The following SGCZ variants were observed in gnomAD, a reference collection of about 807,000 sequenced individuals.
SGCZ encodes sarcoglycan zeta.
Under a neutral mutation model 41.3 loss-of-function variants are expected in SGCZ, and 40 were observed. The observed-to-expected ratio is 0.97, with a 90% CI of 0.75 to 1.26. The LOEUF (loss-of-function observed/expected upper bound fraction) is 1.26. Ranked by LOEUF, SGCZ falls within the 50% of genes most tolerant of loss-of-function variation. The pLI, the probability that SGCZ is intolerant of heterozygous loss-of-function variation, is 0.00. For synonymous variants in SGCZ, 206 were observed against 137.5 expected (o/e 1.50, Z -3.49); for missense variants, 552 against 369.8 (o/e 1.49, Z -4.04).
chr8:14,477,474 G>A (rs1196241576), intron 2 of SGCZ, among the ~76,000 whole-genome samples: 1 of 152,080 alleles, frequency 6.6e-6, no homozygotes, highest in Non-Finnish European at 1.5e-5. Context: ...TATTCTAAAT[G>A]GAGTGTGGGT....
chr8:14,199,794 T>C (rs1451534686), intron 4 of SGCZ, among the ~76,000 whole-genome samples: 2 of 152,118 alleles, frequency 1.3e-5, no homozygotes, highest in Non-Finnish European at 2.9e-5. Flanking sequence ...CGCATTTCCT[T>C]TTTAAAGAAA....
chr8:14,535,762 A>T (rs1327692628), intron 2 of SGCZ, among the ~76,000 whole-genome samples: 4 of 151,870 alleles, frequency 2.6e-5, no homozygotes, highest in African/African-American at 9.7e-5. Flanking sequence ...TGTTTCTGGA[A>T]CCATTTTGGA....
chr8:14,876,406 C>T (rs1224995260), intron 1 of SGCZ, among the ~76,000 whole-genome samples: 1 of 152,056 alleles, frequency 6.6e-6, no homozygotes, highest in Non-Finnish European at 1.5e-5. Flanking sequence ...GACAAAACAC[C>T]TCAAGTCAAT....
intron 1 of SGCZ, among the ~76,000 whole-genome samples, chr8:14,709,602 A>T (rs1809448352): frequency 6.6e-6 from 1 of 152,180 alleles, no homozygotes. Flanking sequence ...TATTAAAATA[A>T]ATTTTCACAG....
intron 2 of SGCZ, among the ~76,000 whole-genome samples, chr8:14,386,308 A>G (rs1217252994): frequency 6.6e-6 from 1 of 152,092 alleles, no homozygotes; most frequent in Non-Finnish European, 1.5e-5. Context: ...ATGGTAAAAA[A>G]AAAAAAAACA....
intron 1 of SGCZ, among the ~76,000 whole-genome samples, chr8:14,661,821 G>A (rs1405430492): frequency 1.4e-5 from 2 of 141,114 alleles, no homozygotes; most frequent in Non-Finnish European, 3.0e-5. Flanking sequence ...TTAAGTCTAT[G>A]AAATGTGATC....
chr8:14,725,975 A>G (rs573191667), intron 1 of SGCZ, among the ~76,000 whole-genome samples: 37 of 152,174 alleles, frequency 2.4e-4, no homozygotes, highest in African/African-American at 8.4e-4. Flanking sequence ...ATTATTAGGT[A>G]AAATTTTATG....
At chr8:14,541,117 T>C (rs549562813) in intron 2 of SGCZ, among the ~76,000 whole-genome samples, 1 of 151,878 alleles carries the variant, frequency 6.6e-6, no homozygotes, top group South Asian at 2.1e-4. Flanking sequence ...ATATATCAGA[T>C]ATAAATAAAC....
At chr8:14,276,853 G>C (rs760777679) in intron 3 of SGCZ, among the ~76,000 whole-genome samples, 1 of 152,094 alleles carries the variant, frequency 6.6e-6, no homozygotes, top group African/African-American at 2.4e-5. Context: ...GGTGGACACC[G>C]AGTAAATAAC....
chr8:14,740,638 G>A (rs1799174715), intron 1 of SGCZ, among the ~76,000 whole-genome samples: 1 of 152,034 alleles, frequency 6.6e-6, no homozygotes, highest in African/African-American at 2.4e-5. Flanking sequence ...GTGCCACACA[G>A]TTCATATTAG....
chr8:14,650,281 T>C (rs1160114447), intron 1 of SGCZ, among the ~76,000 whole-genome samples: 2 of 152,092 alleles, frequency 1.3e-5, no homozygotes, highest in East Asian at 3.9e-4. Context: ...TCTTCATCTT[T>C]ACAGGCTTCT....
chr8:14,199,353 G>A (rs896276800), intron 4 of SGCZ, among the ~76,000 whole-genome samples: 1 of 152,150 alleles, frequency 6.6e-6, no homozygotes, highest in Non-Finnish European at 1.5e-5. Context: ...CTGGTTGTCT[G>A]CTCTCAAATT....
chr8:14,772,996 T>C (rs956961499), intron 1 of SGCZ, among the ~76,000 whole-genome samples: 2 of 152,112 alleles, frequency 1.3e-5, no homozygotes, highest in Non-Finnish European at 2.9e-5. Flanking sequence ...CCCTGAGAAA[T>C]TGCCACACTG....
At chr8:15,098,289 T>G (rs1289068190) in intron 1 of SGCZ, among the ~76,000 whole-genome samples, 2 of 152,154 alleles carry the variant, frequency 1.3e-5, no homozygotes, top group Non-Finnish European at 2.9e-5. Context: ...ATGTGCATAT[T>G]CTTCCTTACA....
rs951928901 is a variant in SGCZ, at chr8:15,066,257, G to A, written c.39+171328C>T. Among the ~76,000 whole-genome samples, 79 of 149,622 alleles carry A rather than the reference G, an allele frequency of 5.3e-4. 1 individual carries two copies. The highest frequency in any genetic ancestry group is 1.6e-4 in the Non-Finnish European group (11 of 67,700). On this transcript the variant is annotated intron_variant, in intron 1 of 7. Transcript: ENST00000382080. ...CGGGAAGCGGAGCTTGCCGTGAGCCGAGATTGCGCCACTGCAGTCCGCAGT... is the reference window on the plus strand; with the variant it reads ...CGGGAAGCGGAGCTTGCCGTGAGCCAAGATTGCGCCACTGCAGTCCGCAGT...
At chr8:14,420,359 C>T (rs192659759) in intron 2 of SGCZ, among the ~76,000 whole-genome samples, 1 of 152,090 alleles carries the variant, frequency 6.6e-6, no homozygotes, top group East Asian at 1.9e-4. Context: ...TTCACAATTG[C>T]CCCATTGCTA....
At chr8:14,896,930 C>T (rs958297780) in intron 1 of SGCZ, among the ~76,000 whole-genome samples, 3 of 151,918 alleles carry the variant, frequency 2.0e-5, no homozygotes, top group South Asian at 2.1e-4. Context: ...TACAGGTGAG[C>T]GCCACCAGGC....
chr8:14,577,371 A>G (rs1234864025), intron 1 of SGCZ, among the ~76,000 whole-genome samples: 1 of 151,518 alleles, frequency 6.6e-6, no homozygotes, highest in African/African-American at 2.4e-5. Flanking sequence ...AATAAGAAAG[A>G]AAAGAAATAT....
chr8:14,839,364 A>G (rs1352244887), intron 1 of SGCZ, among the ~76,000 whole-genome samples: 1 of 152,170 alleles, frequency 6.6e-6, no homozygotes, highest in East Asian at 1.9e-4. Context: ...GTGGGCATAC[A>G]TGAGAACCTG....
Sources: allele counts gnomAD v4.1 joint callset (sites outside exome capture counted in the v4.1 genomes callset), GRCh38; gene constraint gnomAD v4.1.1; transcripts MANE v1.5; gene names NCBI Gene and HGNC (gene_info 2026-07-23, HGNC 2026-07-21).